ANKRD30B: variants seen among roughly 807,000 people sequenced by gnomAD.
ANKRD30B encodes ankyrin repeat domain 30B.
Under a neutral mutation model 202.2 loss-of-function variants are expected in ANKRD30B, and 144 were observed. The ratio of observed to expected loss-of-function variants is 0.71; its 90% confidence interval spans 0.62 to 0.82. The LOEUF (loss-of-function observed/expected upper bound fraction) is 0.82, where lower values mean the gene tolerates loss of function less well. Among genes scored for constraint, ANKRD30B ranks in the 40% least tolerant of loss-of-function variants. The pLI, the probability that ANKRD30B is intolerant of heterozygous loss-of-function variation, is 0.00. For synonymous variants in ANKRD30B, 508 were observed against 561.3 expected (o/e 0.91, Z 1.34); for missense variants, 1,487 against 1,669.1 (o/e 0.89, Z 1.90).
chr18:14,904,511 C>T, the ANKRD30B span, among the ~76,000 whole-genome samples: 1 of 152,078 alleles, frequency 6.6e-6, no homozygotes. Flanking sequence ...TCTCCCTCTC[C>T]TCTCTCACTC....
rs1486492346 is a variant in ANKRD30B at position 14,850,333 on chromosome 18, T to C, written c.3515T>C (p.Leu1172Pro). Residue 1172 changes from leucine (L) to proline (P), a missense_variant, in exon 41 of 44, where the codon CTC (leucine) becomes CCC (proline). Around this residue, in one of 6 missense-constraint regions of ANKRD30B, gnomAD observed 177 missense variants for 216.4 expected, o/e 0.82. Transcript: ENST00000690538. Reference protein sequence around the residue: ...LEVKQQLEQTLRIQDIELKSV... With the variant: ...LEVKQQLEQTPRIQDIELKSV... ...GTGAAACAACAACTTGAACAGACTC[T>C]CAGAATACAAGATATAGAATTGAAA... 3.1e-6 allele frequency: 5 copies of C among 1,590,152 alleles called. No individual in the cohort carries two copies. The African/African-American group carries it at 6.8e-5, about 22-fold the overall frequency.
chr18:14,831,480 A>G, intron 34 of ANKRD30B, 25 bp downstream of exon 34: 1 of 1,326,734 alleles, frequency 7.5e-7, no homozygotes, highest in Non-Finnish European at 1.0e-6. Flanking sequence ...TGTTAAATTG[A>G]TTTTCTCAGT....
chr18:14,834,078 C>T (rs1301735054), intron 34 of ANKRD30B, among the ~76,000 whole-genome samples: 1 of 152,046 alleles, frequency 6.6e-6, no homozygotes, highest in Non-Finnish European at 1.5e-5. Flanking sequence ...ATTATTTATT[C>T]TTAGCTTTTT....
At chr18:14,878,684 G>C in the ANKRD30B span, among the ~76,000 whole-genome samples, 11 of 152,062 alleles carry the variant, frequency 7.2e-5, no homozygotes, top group African/African-American at 2.4e-4. Flanking sequence ...TATTAAAATA[G>C]AGGACAAAAG....
chr18:14,771,476 AC>A (rs1967003526), intron 8 of ANKRD30B, among the ~76,000 whole-genome samples: 2 of 152,180 alleles, frequency 1.3e-5, no homozygotes, highest in South Asian at 4.1e-4. Context: ...AAGTAGTTAG[AC>A]TTTCTTACTT....
the ANKRD30B span, among the ~76,000 whole-genome samples, chr18:14,878,228 A>G: frequency 6.6e-6 from 1 of 152,192 alleles, no homozygotes; most frequent in Non-Finnish European, 1.5e-5. Context: ...AGCAGATAGT[A>G]GTGCAGTGTG....
At chr18:14,767,307 A>T (rs1372994938) in intron 7 of ANKRD30B, among the ~76,000 whole-genome samples, 4 of 152,206 alleles carry the variant, frequency 2.6e-5, no homozygotes, top group Non-Finnish European at 5.9e-5. Context: ...TGAATGTCTG[A>T]AACTGTGAAT....
the ANKRD30B span, among the ~76,000 whole-genome samples, chr18:14,899,958 T>G: frequency 6.6e-6 from 1 of 152,188 alleles, no homozygotes; most frequent in African/African-American, 2.4e-5. Flanking sequence ...TTAACTAAAC[T>G]GTGAGTAAAT....
At chr18:14,816,736 G>A (rs1300780982) in intron 30 of ANKRD30B, 2 of 152,130 alleles carry the variant, frequency 1.3e-5, no homozygotes, top group South Asian at 4.2e-4. Flanking sequence ...CGCTAGACTG[G>A]ATTAAGAAAG....
At chr18:14,815,282 C>A (rs1193426575) in intron 30 of ANKRD30B, among the ~76,000 whole-genome samples, 2 of 133,438 alleles carry the variant, frequency 1.5e-5, no homozygotes, top group Non-Finnish European at 3.2e-5. Context: ...CATATATGCA[C>A]GGCCACACAT....
At chr18:14,870,953 CCAAA>C in the ANKRD30B span, among the ~76,000 whole-genome samples, 1 of 150,986 alleles carries the variant, frequency 6.6e-6, no homozygotes, top group Admixed American at 6.6e-5. Flanking sequence ...CCCAGAAGAG[CCAAA>C]CAGGCACTCA....
downstream of ANKRD30B, among the ~76,000 whole-genome samples, chr18:14,855,761 G>A (rs551340600): frequency 0.015 from 2,177 of 146,412 alleles, 42 homozygotes; most frequent in African/African-American, 0.053. Context: ...AGGCAGAGGG[G>A]CTCCTCACCT....
intron 16 of ANKRD30B, among the ~76,000 whole-genome samples, chr18:14,791,804 C>T (rs555648877): frequency 4.0e-5 from 6 of 151,880 alleles, no homozygotes; most frequent in Non-Finnish European, 8.8e-5. Flanking sequence ...ACAGAGAGGA[C>T]GGGAAGGAAC....
At chr18:14,892,134 C>G in the ANKRD30B span, among the ~76,000 whole-genome samples, 1 of 152,326 alleles carries the variant, frequency 6.6e-6, no homozygotes, top group Admixed American at 6.5e-5. Flanking sequence ...CTTCAAGTCT[C>G]TTTACTCCTG....
At chr18:14,799,197 A>T in intron 21 of ANKRD30B, 26 bp from the exon 22 acceptor site, 20 of 1,586,050 alleles carry the variant, frequency 1.3e-5, no homozygotes, top group Non-Finnish European at 1.7e-5. Flanking sequence ...TTATATGTTA[A>T]TTTTTGTGTT....
chr18:14,814,367 T>C (rs1428301829), intron 29 of ANKRD30B, among the ~76,000 whole-genome samples: 1 of 60,040 alleles, frequency 1.7e-5, no homozygotes, highest in Non-Finnish European at 3.2e-5. Context: ...AATTCTTTCG[T>C]GAGTGTGATT....
chr18:14,748,379 G>T lies in ANKRD30B; in HGVS notation c.-41G>T. 7.1e-7 allele frequency: 1 copy of T among 1,409,028 alleles called. No homozygotes were observed. Among genetic ancestry groups the T allele is most frequent in the South Asian group, 1.6e-5 (1 of 64,176 alleles). The allele number at this position is 1,409,028 out of a possible 1,614,324, so 87.3% of individuals were successfully genotyped here. On this transcript the variant is annotated 5_prime_UTR_variant, in exon 1 of 44. Coordinates refer to ENST00000690538, the MANE Select transcript of ANKRD30B (RefSeq NM_001367607.2). The stretch of plus-strand genomic sequence containing the variant: ...CGAGGGGTAGGGGCTGGGGAAGGGC[G>T]AGCGGGAGGCGCGGGCTCTCTCTAG...
At chr18:14,799,080 T>C (rs756824989) in intron 20 of ANKRD30B, 21 bp from the exon 21 acceptor site, 25 of 1,560,222 alleles carry the variant, frequency 1.6e-5, no homozygotes, top group Non-Finnish European at 2.2e-5. Flanking sequence ...TAATCAATTA[T>C]ATATGTCCCT....
At chr18:14,809,416 T>C (rs1216181013) in intron 26 of ANKRD30B, among the ~76,000 whole-genome samples, 2 of 150,830 alleles carry the variant, frequency 1.3e-5, no homozygotes, top group African/African-American at 4.9e-5. Context: ...AATGTGAAGC[T>C]AGACAACTGG....
Sources: gnomAD v4.1 joint callset for allele counts (sites outside exome capture counted in the v4.1 genomes callset) on GRCh38, gnomAD v4.1.1 for gene constraint, gnomAD v4.1.1 regional missense constraint, MANE v1.5 for transcripts, NCBI Gene and HGNC (gene_info 2026-07-23, HGNC 2026-07-21) for gene names.